Variants in INPP4B observed in about 807,000 individuals in gnomAD.
INPP4B encodes inositol polyphosphate 4-phosphatase type II.
A neutral mutation model predicts 122.5 loss-of-function variants in INPP4B; 55 were observed. The ratio of observed to expected loss-of-function variants is 0.45; its 90% CI spans 0.36 to 0.56. The LOEUF is 0.56. INPP4B is among the 20% of genes least tolerant of loss of function. The probability of loss-of-function intolerance (pLI) is 0.00; values close to 1 mark genes in which losing one functional copy is unlikely to be tolerated. For synonymous variants in INPP4B, 403 were observed against 388.7 expected (o/e 1.04, Z -0.43); for missense variants, 1,000 against 1,097.7 (o/e 0.91, Z 1.26).
At chr4:142,209,792 CAAAAAAAAAA>C (rs375306534) in intron 12 of INPP4B, among the ~76,000 whole-genome samples, 2 of 39,550 alleles carry the variant, frequency 5.1e-5, no homozygotes, top group Non-Finnish European at 7.7e-5. Flanking sequence ...GACCCCGTCT[CAAAAAAAAAA>C]AAAAAAAAAA....
At chr4:142,300,197 G>A (rs1172383895) in intron 9 of INPP4B, among the ~76,000 whole-genome samples, 1 of 152,116 alleles carries the variant, frequency 6.6e-6, no homozygotes, top group Non-Finnish European at 1.5e-5. Flanking sequence ...TCAATCCACT[G>A]CCCTGTGGCC....
Position 142,123,359 on chromosome 4 carries a change from T to C in INPP4B, c.1950A>G (p.Pro650=). 6.2e-7 allele frequency: 1 copy of C among 1,612,860 alleles called. No individual in the cohort carries two copies. Among genetic ancestry groups the C allele is most frequent in the South Asian group, 1.1e-5 (1 of 91,046 alleles). The change falls in exon 20 of 26, where the codon CCA becomes CCG. Residue 650 remains proline (P), a synonymous_variant. Coordinates refer to ENST00000262992, the MANE Select transcript of INPP4B (RefSeq NM_001101669.3). ...CTGTGTGAAGCTGCTGTAGGAAGCCTGGGTCATACAGACTTGTCTGTAATT... is the reference window on the plus strand; with the variant it reads ...CTGTGTGAAGCTGCTGTAGGAAGCCCGGGTCATACAGACTTGTCTGTAATT... ...IIKLQTSLYD[P]GFLQQLHTVG...
chr4:142,566,440 G>A lies in INPP4B; in HGVS notation c.-190-103714C>T, dbSNP rs148029676. The stretch of plus-strand genomic sequence containing the variant: ...CTTATTTACTAAACAGGGCACCTGG[G>A]TGTCTATGCAGAAGGTGAGTCAATG... On this transcript the variant is annotated intron_variant, in intron 2 of 25. Transcript: ENST00000262992. Among the ~76,000 whole-genome samples the A allele has an allele frequency of 2.7e-3, 413 of 152,322 alleles. 6 individuals are homozygous for A. Among genetic ancestry groups the A allele is most frequent in the East Asian group, 0.018 (92 of 5,180 alleles).
chr4:142,633,508 G>T (rs928159531), intron 2 of INPP4B, among the ~76,000 whole-genome samples: 1 of 152,054 alleles, frequency 6.6e-6, no homozygotes, highest in Non-Finnish European at 1.5e-5. Flanking sequence ...ACACTTAAAG[G>T]AATTAAAATT....
intron 2 of INPP4B, among the ~76,000 whole-genome samples, chr4:142,620,138 C>A (rs115292993): frequency 2.0e-5 from 3 of 151,918 alleles, no homozygotes; most frequent in African/African-American, 7.2e-5. Flanking sequence ...TTCGGCCCAA[C>A]AATTCCAACA....
chr4:142,290,063 CA>C (rs1259718677), intron 9 of INPP4B, among the ~76,000 whole-genome samples: 1 of 152,090 alleles, frequency 6.6e-6, no homozygotes, highest in Non-Finnish European at 1.5e-5. Flanking sequence ...CAGCATAAGT[CA>C]GGTCACTCTT....
intron 17 of INPP4B, among the ~76,000 whole-genome samples, chr4:142,154,243 A>T (rs1579098614): frequency 6.6e-6 from 1 of 152,130 alleles, no homozygotes; most frequent in East Asian, 1.9e-4. Flanking sequence ...ACAAGGGACA[A>T]CTAGTCACTT....
At chr4:142,759,825 TAAAAAAAAAAAAAAAAAAA>T (rs70949188) in intron 1 of INPP4B, among the ~76,000 whole-genome samples, 1 of 70,072 alleles carries the variant, frequency 1.4e-5, no homozygotes, top group African/African-American at 5.6e-5. Flanking sequence ...GAGCTTTTTC[TAAAAAAAAAAAAAAAAAAA>T]AAAAAAAAAT....
chr4:142,628,402 G>A (rs1292947490), intron 2 of INPP4B, among the ~76,000 whole-genome samples: 1 of 109,484 alleles, frequency 9.1e-6, no homozygotes, highest in Non-Finnish European at 1.9e-5. Context: ...CACACTCTGG[G>A]GACTGTTGTG....
At chr4:142,489,645 C>T (rs190114557) in intron 2 of INPP4B, among the ~76,000 whole-genome samples, 2 of 152,100 alleles carry the variant, frequency 1.3e-5, no homozygotes, top group Non-Finnish European at 2.9e-5. Flanking sequence ...CTGCCTGCCT[C>T]GGCCTCCCAA....
chr4:142,627,282 AC>A (rs1282071280), intron 2 of INPP4B, among the ~76,000 whole-genome samples: 2 of 151,148 alleles, frequency 1.3e-5, no homozygotes, highest in African/African-American at 4.9e-5. Context: ...AGAACTTCCA[AC>A]ACTATGTTGA....
chr4:142,826,567 A>G (rs920485314), intron 1 of INPP4B, among the ~76,000 whole-genome samples: 1 of 151,994 alleles, frequency 6.6e-6, no homozygotes, highest in South Asian at 2.1e-4. Context: ...AATCTCTTAA[A>G]ATTTTAAATT....
In INPP4B at chr4:142,030,200, C is replaced by T. The variant is rs990296002; in HGVS notation, c.2643-1286G>A. On this transcript the variant is annotated intron_variant, in intron 25 of 25. Coordinates refer to ENST00000262992, the MANE Select transcript of INPP4B (RefSeq NM_001101669.3). ...CAACTAGCAGGTGTGAGCTGACAAG[C>T]AGCAAGGCGACAGGATAGAAGTGTC... 3.9e-6 allele frequency: 6 copies of T among 1,535,500 alleles called. No individual in the cohort carries two copies. In the South Asian group the frequency reaches 7.1e-5, roughly 18 times the overall value.
At chr4:142,114,070 A>T (rs1791656305) in intron 21 of INPP4B, among the ~76,000 whole-genome samples, 1 of 151,996 alleles carries the variant, frequency 6.6e-6, no homozygotes, top group Non-Finnish European at 1.5e-5. Context: ...ACAGTATGTA[A>T]TCTTTTCTAT....
chr4:142,365,455 A>G (rs950387385), intron 7 of INPP4B, among the ~76,000 whole-genome samples: 11 of 152,186 alleles, frequency 7.2e-5, no homozygotes, highest in Non-Finnish European at 4.4e-5. Flanking sequence ...TAGGTGGAAT[A>G]CAAAGAAGTG....
chr4:142,702,591 G>A (rs374187487), intron 2 of INPP4B, among the ~76,000 whole-genome samples: 24 of 151,938 alleles, frequency 1.6e-4, no homozygotes, highest in Admixed American at 2.6e-4. Flanking sequence ...TTAGCTGGGC[G>A]TGGTGGTGCA....
intron 2 of INPP4B, among the ~76,000 whole-genome samples, chr4:142,669,720 A>G (rs1268134191): frequency 6.6e-6 from 1 of 152,220 alleles, no homozygotes; most frequent in Non-Finnish European, 1.5e-5. Flanking sequence ...AAGAAAATAT[A>G]GGGGAAAAGT....
intron 2 of INPP4B, among the ~76,000 whole-genome samples, chr4:142,557,507 C>G (rs187135563): frequency 7.0e-6 from 1 of 143,396 alleles, no homozygotes; most frequent in Non-Finnish European, 1.5e-5. Context: ...GGCCACCTGT[C>G]CAGCTGGCAG....
intron 2 of INPP4B, among the ~76,000 whole-genome samples, chr4:142,579,184 T>A (rs1734480004): frequency 6.6e-6 from 1 of 152,042 alleles, no homozygotes; most frequent in Non-Finnish European, 1.5e-5. Context: ...AAGTGTTAAA[T>A]AGGTAAACAA....
Sources: gnomAD v4.1 joint callset for allele counts (sites outside exome capture counted in the v4.1 genomes callset) on GRCh38, gnomAD v4.1.1 for gene constraint, MANE v1.5 for transcripts, NCBI Gene and HGNC (gene_info 2026-07-23, HGNC 2026-07-21) for gene names.